NTNG1: variants seen among roughly 807,000 people sequenced by gnomAD.
NTNG1 encodes the protein netrin-G1.
NTNG1 carries 16 observed loss-of-function variants against 54.0 expected under a neutral mutation model. The ratio of observed to expected loss-of-function variants is 0.30; its 90% CI spans 0.20 to 0.45. The LOEUF (loss-of-function observed/expected upper bound fraction) is 0.45, where lower values mean the gene tolerates loss of function less well. NTNG1 is among the 20% of genes least tolerant of loss of function. The probability of loss-of-function intolerance (pLI) is 1.00; values close to 1 mark genes in which losing one functional copy is unlikely to be tolerated. For synonymous variants in NTNG1, 255 were observed against 263.1 expected (o/e 0.97, Z 0.30); for missense variants, 530 against 678.7 (o/e 0.78, Z 2.43).
At chr1:107,384,862 T>C (rs1223703088) in intron 3 of NTNG1, among the ~76,000 whole-genome samples, 2 of 152,216 alleles carry the variant, frequency 1.3e-5, no homozygotes, top group African/African-American at 4.8e-5. Context: ...TAAGAAGATA[T>C]CTATTTCACA....
chr1:107,231,182 A>G (rs1192478228), intron 2 of NTNG1, among the ~76,000 whole-genome samples: 1 of 152,194 alleles, frequency 6.6e-6, no homozygotes, highest in Non-Finnish European at 1.5e-5. Context: ...ATAAAAGATC[A>G]ATACAATGCC....
At chr1:107,460,326 T>C in intron 7 of NTNG1, 1 of 513,144 alleles carries the variant, frequency 1.9e-6, no homozygotes, top group Non-Finnish European at 3.9e-6. Context: ...ATCGCTCCTC[T>C]GCTCTTACTG....
intron 1 of NTNG1, chr1:107,141,477 G>A: frequency 6.6e-6 from 1 of 151,062 alleles, no homozygotes; most frequent in Non-Finnish European, 1.5e-5. Flanking sequence ...CCTGCGGCTC[G>A]CCTCTCCTAC....
intron 3 of NTNG1, among the ~76,000 whole-genome samples, chr1:107,392,631 G>A (rs1029020579): frequency 1.3e-5 from 2 of 152,076 alleles, no homozygotes; most frequent in Admixed American, 1.3e-4. Flanking sequence ...TTTGACAAGG[G>A]AGGCTGTGGA....
At chr1:107,444,835 T>C (rs543355883) in intron 7 of NTNG1, among the ~76,000 whole-genome samples, 1 of 152,226 alleles carries the variant, frequency 6.6e-6, no homozygotes, top group African/African-American at 2.4e-5. Context: ...GATAATAAGA[T>C]GATAAGAAGG....
chr1:107,209,891 CT>C (rs10716155), intron 2 of NTNG1, among the ~76,000 whole-genome samples: 135,632 of 150,412 alleles, frequency 0.9, 61,615 homozygotes, highest in East Asian at 1. Flanking sequence ...ATACAGACTT[CT>C]TTTTTTTTTT....
intron 3 of NTNG1, among the ~76,000 whole-genome samples, chr1:107,332,604 TG>T (rs1283732970): frequency 2.0e-5 from 3 of 152,044 alleles, no homozygotes; most frequent in Admixed American, 6.6e-5. Context: ...CGTTAGGAGA[TG>T]TTGGCCATTG....
intron 5 of NTNG1, among the ~76,000 whole-genome samples, chr1:107,425,349 A>G (rs1210092917): frequency 1.3e-5 from 2 of 152,030 alleles, no homozygotes; most frequent in Admixed American, 6.6e-5. Flanking sequence ...CCCCCATTTT[A>G]GAGTGCTCAC....
chr1:107,233,304 A>G (rs1661190205), intron 2 of NTNG1, among the ~76,000 whole-genome samples: 1 of 152,302 alleles, frequency 6.6e-6, no homozygotes, highest in Middle Eastern at 3.4e-3. Context: ...TTCAGAAAAT[A>G]CTTTTATTGA....
intron 3 of NTNG1, among the ~76,000 whole-genome samples, chr1:107,364,014 G>A (rs977591339): frequency 1.3e-5 from 2 of 152,076 alleles, no homozygotes; most frequent in African/African-American, 2.4e-5. Context: ...TAGGATAGAT[G>A]TGAAATATTT....
chr1:107,231,433 G>A (rs778734168), intron 2 of NTNG1, among the ~76,000 whole-genome samples: 8 of 152,136 alleles, frequency 5.3e-5, no homozygotes, highest in Non-Finnish European at 8.8e-5. Flanking sequence ...ATTCAGATAA[G>A]AGATTTATGC....
Position 107,410,459 on chromosome 1 carries a change from G to A in NTNG1, c.1087+2751G>A, listed in dbSNP as rs550707370. 2.6e-5 allele frequency: 4 copies of A among 152,188 alleles called. No homozygotes were observed. In the South Asian group the frequency reaches 8.3e-4, roughly 32 times the overall value. The allele number at this position is 152,188 out of a possible 1,614,324, so 9.4% of individuals were successfully genotyped here. On this transcript the variant is annotated intron_variant, in intron 5 of 7. Coordinates refer to ENST00000370068, the MANE Select transcript of NTNG1 (RefSeq NM_001113226.3). ...CTGTTGTCTATCTATTAACAAATAG[G>A]TTTCCCATAATCCTAAGGATACTTG...
chr1:107,376,437 A>AAAAAAAAAAAAAAC (rs1671267462), intron 3 of NTNG1, among the ~76,000 whole-genome samples: 1 of 150,604 alleles, frequency 6.6e-6, no homozygotes. Context: ...AACAAAAAAA[A>AAAAAAAAAAAAAAC]AAAATTTGCT....
chr1:107,460,272 C>A, intron 7 of NTNG1: 1 of 438,678 alleles, frequency 2.3e-6, no homozygotes, highest in Admixed American at 2.5e-5. Flanking sequence ...GACAGTTCAT[C>A]ATGAGCGCAC....
At chr1:107,249,180 T>TAATAAA (rs1313241806) in intron 2 of NTNG1, among the ~76,000 whole-genome samples, 2 of 149,584 alleles carry the variant, frequency 1.3e-5, no homozygotes. Context: ...ATAATAATAA[T>TAATAAA]AATTTAAAAG....
chr1:107,195,422 T>G (rs1658250304), intron 2 of NTNG1, among the ~76,000 whole-genome samples: 1 of 152,000 alleles, frequency 6.6e-6, no homozygotes, highest in South Asian at 2.1e-4. Flanking sequence ...TCAGTCTATT[T>G]GCAACTTTGG....
At chr1:107,412,947 A>G (rs1384840566) in intron 5 of NTNG1, among the ~76,000 whole-genome samples, 1 of 152,088 alleles carries the variant, frequency 6.6e-6, no homozygotes, top group Non-Finnish European at 1.5e-5. Context: ...AAAATTCGAT[A>G]TGCCATCTCA....
intron 4 of NTNG1, among the ~76,000 whole-genome samples, chr1:107,401,008 C>T (rs533163553): frequency 2.6e-5 from 4 of 152,126 alleles, no homozygotes; most frequent in African/African-American, 7.2e-5. Flanking sequence ...GTAATGTGCA[C>T]GTGGCTACAC....
chr1:107,450,299 T>C (rs140417596), intron 7 of NTNG1, among the ~76,000 whole-genome samples: 22 of 152,196 alleles, frequency 1.4e-4, no homozygotes, highest in African/African-American at 4.6e-4. Flanking sequence ...ATATTTAGTG[T>C]TGAAAAATGC....
Sources: allele counts gnomAD v4.1 joint callset (sites outside exome capture counted in the v4.1 genomes callset), GRCh38; gene constraint gnomAD v4.1.1; transcripts MANE v1.5; gene names NCBI Gene and HGNC (gene_info 2026-07-23, HGNC 2026-07-21).